Variants in PTBP2 observed in about 807,000 individuals in gnomAD.
The protein encoded by PTBP2 is polypyrimidine tract-binding protein 2.
A neutral mutation model predicts 61.4 loss-of-function variants in PTBP2; 13 were observed. The observed-to-expected ratio is 0.21, with a 90% CI of 0.14 to 0.34. The LOEUF (loss-of-function observed/expected upper bound fraction) is 0.34. PTBP2 is among the 10% of genes least tolerant of loss of function. The pLI is 1.00. For synonymous variants in PTBP2, 215 were observed against 218.5 expected, an observed-to-expected ratio of 0.98 and a Z score of 0.14; for missense variants, 405 against 642.6, an observed-to-expected ratio of 0.63 and a Z score of 4.00.
chr1:96,789,109 G>A (rs1230302250), intron 8 of PTBP2, among the ~76,000 whole-genome samples: 1 of 151,912 alleles, frequency 6.6e-6, no homozygotes, highest in African/African-American at 2.4e-5. Flanking sequence ...TAGAAAAATT[G>A]CTGGAAGTAA....
chr1:96,803,597 G>A (rs1292214498), intron 8 of PTBP2, among the ~76,000 whole-genome samples: 1 of 152,026 alleles, frequency 6.6e-6, no homozygotes, highest in African/African-American at 2.4e-5. Context: ...GTTAAGGTTT[G>A]TGAATATTAA....
At position 96,814,017 on chromosome 1, in the gene PTBP2, TA is replaced by T; in HGVS notation, c.*613del. On this transcript the variant is annotated 3_prime_UTR_variant, in exon 14 of 14. Transcript: ENST00000674951. ...CTCACAATTCTGGTCTAGATTCAGTTATGAATGTAGGCATTAGTTAAAATTA... is the reference window on the plus strand; with the variant it reads ...CTCACAATTCTGGTCTAGATTCAGTTTGAATGTAGGCATTAGTTAAAATTA... 6.5e-6 allele frequency: 1 copy of T among 152,678 alleles called. No homozygotes were observed. The highest frequency in any genetic ancestry group is 1.9e-4 in the East Asian group (1 of 5,186). The allele number at this position is 152,678 out of a possible 1,614,324, so 9.5% of individuals were successfully genotyped here.
At chr1:96,754,817 A>G (rs905486263) in intron 3 of PTBP2, among the ~76,000 whole-genome samples, 9 of 152,184 alleles carry the variant, frequency 5.9e-5, no homozygotes, top group African/African-American at 2.2e-4. Context: ...CAAAAAAATG[A>G]TCTTGGATCT....
chr1:96,729,208 G>A (rs1216558764), intron 2 of PTBP2, among the ~76,000 whole-genome samples: 1 of 152,020 alleles, frequency 6.6e-6, no homozygotes, highest in Non-Finnish European at 1.5e-5. Flanking sequence ...TTTCAGTTGA[G>A]GCAGGGTTTC....
intron 2 of PTBP2, among the ~76,000 whole-genome samples, chr1:96,739,618 G>GGTTTTTTTTTTTTTTTT (rs1232683663): frequency 1.2e-5 from 1 of 83,802 alleles, no homozygotes; most frequent in African/African-American, 5.6e-5. Context: ...ACTGGTGTGT[G>GGTTTTTTTTTTTTTTTT]TTTTTTTTTT....
chr1:96,821,362 T>C (rs773298779), exon 14 of PTBP2: 1 of 152,032 alleles, frequency 6.6e-6, no homozygotes, highest in Non-Finnish European at 1.5e-5. Flanking sequence ...ATTTTTTATA[T>C]CTATTTATAA....
At chr1:96,753,228 G>T (rs1280667608) in intron 3 of PTBP2, among the ~76,000 whole-genome samples, 1 of 152,134 alleles carries the variant, frequency 6.6e-6, no homozygotes, top group Non-Finnish European at 1.5e-5. Flanking sequence ...TCCATAGGTT[G>T]CACGGTACTC....
intron 2 of PTBP2, among the ~76,000 whole-genome samples, chr1:96,748,952 TG>T (rs1557705564): frequency 2.0e-5 from 3 of 152,198 alleles, no homozygotes; most frequent in Non-Finnish European, 2.9e-5. Context: ...CAAATAAAAA[TG>T]TAATTTGTAA....
intron 11 of PTBP2, among the ~76,000 whole-genome samples, chr1:96,809,732 CAG>C (rs1188027328): frequency 3.3e-5 from 5 of 151,998 alleles, no homozygotes; most frequent in Non-Finnish European, 7.4e-5. Flanking sequence ...GTTGCCCAGA[CAG>C]AAGTTATTTT....
chr1:96,763,444 G>A (rs1249132312), intron 3 of PTBP2, among the ~76,000 whole-genome samples: 2 of 151,466 alleles, frequency 1.3e-5, no homozygotes, highest in Non-Finnish European at 1.5e-5. Context: ...CAGGCGTGGC[G>A]GCGCGTGCCT....
At chr1:96,797,605 C>T (rs1344674792) in intron 8 of PTBP2, among the ~76,000 whole-genome samples, 1 of 152,044 alleles carries the variant, frequency 6.6e-6, no homozygotes, top group Non-Finnish European at 1.5e-5. Flanking sequence ...CCATCCCCCA[C>T]CCTCTGACCC....
intron 3 of PTBP2, among the ~76,000 whole-genome samples, chr1:96,767,779 T>C (rs1656901846): frequency 6.6e-6 from 1 of 152,154 alleles, no homozygotes; most frequent in African/African-American, 2.4e-5. Context: ...TCTCTTCCTT[T>C]TGACAAATTC....
At chr1:96,800,395 C>CTTTTTT (rs376568803) in intron 8 of PTBP2, among the ~76,000 whole-genome samples, 2 of 125,206 alleles carry the variant, frequency 1.6e-5, no homozygotes, top group African/African-American at 3.0e-5. Context: ...CATTCTCTGG[C>CTTTTTT]TTTTTTTTTT....
intron 2 of PTBP2, among the ~76,000 whole-genome samples, chr1:96,745,031 G>A (rs1371898516): frequency 1.3e-5 from 2 of 151,934 alleles, no homozygotes; most frequent in Admixed American, 6.6e-5. Context: ...TTTCTCCCTA[G>A]AATCTTTTTT....
intron 5 of PTBP2, among the ~76,000 whole-genome samples, chr1:96,773,427 G>A (rs1430807910): frequency 6.6e-6 from 1 of 151,994 alleles, no homozygotes; most frequent in Non-Finnish European, 1.5e-5. Context: ...GAGGATACTA[G>A]TTACAGTATT....
chr1:96,771,872 A>G (rs1657421669), intron 5 of PTBP2, among the ~76,000 whole-genome samples: 1 of 152,196 alleles, frequency 6.6e-6, no homozygotes, highest in Non-Finnish European at 1.5e-5. Flanking sequence ...TGGTAAGAAC[A>G]TTTAAAATTC....
Position 96,788,270 on chromosome 1 carries a change from G to T in PTBP2, c.904+3016G>T, listed in dbSNP as rs191778631. On this transcript the variant is annotated intron_variant, in intron 8 of 13. Coordinates refer to ENST00000674951, the MANE Select transcript of PTBP2 (RefSeq NM_021190.4). ...ATATTTTGGATGAGCCAAGCCTTCA[G>T]CTTTATTCACTTATGTTAGGTCAGT... Among the ~76,000 whole-genome samples the T allele has an allele frequency of 2.8e-4, 43 of 152,128 alleles. No individual in the cohort carries two copies. The East Asian group carries it at 7.7e-3, about 27-fold the overall frequency.
chr1:96,739,454 A>G lies in PTBP2; in HGVS notation c.40-11971A>G, dbSNP rs546792197. Among the ~76,000 whole-genome samples the G allele has an allele frequency of 2.6e-5, 4 of 151,272 alleles. No homozygotes were observed. The South Asian group carries it at 8.4e-4, about 32-fold the overall frequency. On this transcript the variant is annotated intron_variant, in intron 2 of 13. Transcript: ENST00000674951. ...ACTGAAACTCTATACTGATTTTAAA[A>G]CTCCCTCTTTTGTCCTTCTGCTGGT...
chr1:96,792,420 C>G (rs1659944290), intron 8 of PTBP2, among the ~76,000 whole-genome samples: 1 of 152,092 alleles, frequency 6.6e-6, no homozygotes, highest in Non-Finnish European at 1.5e-5. Flanking sequence ...TGGCCGAGCC[C>G]TAGCACTGAA....
Sources: gnomAD v4.1 joint callset for allele counts (sites outside exome capture counted in the v4.1 genomes callset) on GRCh38, gnomAD v4.1.1 for gene constraint, MANE v1.5 for transcripts, NCBI Gene and HGNC (gene_info 2026-07-23, HGNC 2026-07-21) for gene names.